The following TBC1D8 variants were observed in gnomAD, a reference collection of about 807,000 sequenced individuals.
TBC1D8 encodes TBC1 domain family member 8.
A neutral mutation model predicts 118.8 loss-of-function variants in TBC1D8; 65 were observed. The observed-to-expected ratio is 0.55, with a 90% CI of 0.45 to 0.67. The LOEUF is 0.67. Among genes scored for constraint, TBC1D8 ranks in the 30% least tolerant of loss-of-function variants. The probability of loss-of-function intolerance (pLI) is 0.00; values close to 1 mark genes in which losing one functional copy is unlikely to be tolerated. For synonymous variants in TBC1D8, 566 were observed against 595.8 expected (o/e 0.95, Z 0.73); for missense variants, 1,376 against 1,471.2 (o/e 0.94, Z 1.06).
At position 101,040,369 on chromosome 2, in the gene TBC1D8, C is replaced by T. The variant is rs1181521828; in HGVS notation, c.889G>A (p.Ala297Thr). The change falls in exon 6 of 20, where the codon GCA becomes ACA. Residue 297 changes from alanine to threonine, a missense_variant. By Grantham distance (58) the Ala-to-Thr change is moderately conservative. Coordinates refer to ENST00000409318, the MANE Select transcript of TBC1D8 (RefSeq NM_001330348.2). ...QITKRDLEARAQNEFFRAFFR... is the reference protein window; with the variant it reads ...QITKRDLEARTQNEFFRAFFR... ...AAAGCCCGGAAGAACTCATTCTGTG[C>T]TCTGGCTTCCAGGTCCCTGGGGAAG... is the stretch of plus-strand genomic sequence containing the variant. The T allele has an allele frequency of 1.3e-6, 2 of 1,599,980 alleles. No homozygotes were observed. The highest frequency in any genetic ancestry group is 1.7e-6 in the Non-Finnish European group (2 of 1,172,836).
At chr2:101,116,460 C>T (rs976931830) in intron 1 of TBC1D8, among the ~76,000 whole-genome samples, 20 of 152,092 alleles carry the variant, frequency 1.3e-4, no homozygotes, top group African/African-American at 4.1e-4. Flanking sequence ...GGAGATTAAA[C>T]AAGCAGGTGC....
In TBC1D8 at chr2:101,007,655, G is replaced by A. The variant is rs1194267651; in HGVS notation, c.*166C>T. 1 of 678,424 alleles carries A rather than the reference G, an allele frequency of 1.5e-6. No homozygotes were observed. Among genetic ancestry groups the A allele is most frequent in the African/African-American group, 1.8e-5 (1 of 55,900 alleles). 42.0% of individuals were successfully genotyped at this position (678,424 alleles called of 1,614,324 possible). On this transcript the variant is annotated 3_prime_UTR_variant, in exon 20 of 20. Coordinates refer to ENST00000409318, the MANE Select transcript of TBC1D8 (RefSeq NM_001330348.2). Reference sequence around the variant, plus strand: ...CTGACAATTCTCAATACATAGAAATGCTTGAGGGTTGTGTCGGTTCCCCTG... The same window carrying A: ...CTGACAATTCTCAATACATAGAAATACTTGAGGGTTGTGTCGGTTCCCCTG...
At chr2:101,104,687 C>A (rs994812183) in intron 1 of TBC1D8, among the ~76,000 whole-genome samples, 2 of 152,168 alleles carry the variant, frequency 1.3e-5, no homozygotes, top group Non-Finnish European at 2.9e-5. Context: ...CAAAATGGCT[C>A]ATAAACCTAC....
chr2:101,146,639 A>C (rs1679327979), intron 1 of TBC1D8, among the ~76,000 whole-genome samples: 1 of 152,194 alleles, frequency 6.6e-6, no homozygotes, highest in Non-Finnish European at 1.5e-5. Flanking sequence ...TTGATGTTTC[A>C]ATACTCATAT....
intron 5 of TBC1D8, among the ~76,000 whole-genome samples, chr2:101,049,928 G>A (rs973863153): frequency 7.3e-5 from 11 of 150,892 alleles, no homozygotes; most frequent in Non-Finnish European, 1.2e-4. Context: ...CCGGGTTCAC[G>A]CCATTCTCCT....
At chr2:101,015,275 T>C (rs1679540104) in intron 17 of TBC1D8, among the ~76,000 whole-genome samples, 2 of 152,184 alleles carry the variant, frequency 1.3e-5, no homozygotes, top group South Asian at 4.1e-4. Flanking sequence ...ATAGACCACT[T>C]ACTATGAATG....
chr2:101,089,103 A>T (rs1428520392), intron 2 of TBC1D8, among the ~76,000 whole-genome samples: 1 of 152,110 alleles, frequency 6.6e-6, no homozygotes, highest in Non-Finnish European at 1.5e-5. Flanking sequence ...AATCCCAGCA[A>T]CTCTGGAAGG....
chr2:101,057,660 C>CA (rs1682517018), intron 3 of TBC1D8, among the ~76,000 whole-genome samples: 1 of 152,116 alleles, frequency 6.6e-6, no homozygotes, highest in African/African-American at 2.4e-5. Flanking sequence ...TTCGTCTCTA[C>CA]AAAAAATAAA....
At chr2:101,121,853 G>T (rs959187899) in intron 1 of TBC1D8, among the ~76,000 whole-genome samples, 1 of 152,096 alleles carries the variant, frequency 6.6e-6, no homozygotes, top group Non-Finnish European at 1.5e-5. Flanking sequence ...ATCACCTGAG[G>T]TCAAGAGTTC....
At chr2:101,082,080 C>T (rs550681208) in intron 2 of TBC1D8, among the ~76,000 whole-genome samples, 7 of 152,210 alleles carry the variant, frequency 4.6e-5, no homozygotes, top group African/African-American at 1.4e-4. Context: ...CGGAGGTTGC[C>T]GTGAACCAGT....
At chr2:101,089,822 G>A (rs1391869182) in intron 2 of TBC1D8, among the ~76,000 whole-genome samples, 5 of 151,404 alleles carry the variant, frequency 3.3e-5, no homozygotes, top group Admixed American at 1.3e-4. Context: ...GGCTCGATTC[G>A]TTATCGACAA....
intron 2 of TBC1D8, among the ~76,000 whole-genome samples, chr2:101,067,333 G>A (rs1321936970): frequency 6.6e-6 from 1 of 152,176 alleles, no homozygotes; most frequent in Non-Finnish European, 1.5e-5. Context: ...AAGAGCAGTG[G>A]TGACAATCAC....
At chr2:101,054,530 C>G (rs1573946162) in intron 3 of TBC1D8, among the ~76,000 whole-genome samples, 194 bp from the exon 4 acceptor site, 1 of 151,350 alleles carries the variant, frequency 6.6e-6, no homozygotes, top group Admixed American at 6.6e-5. Context: ...ACGGCTGCAG[C>G]AGAAAAAAAA....
intron 2 of TBC1D8, among the ~76,000 whole-genome samples, chr2:101,061,880 A>G (rs1682773938): frequency 6.6e-6 from 1 of 152,156 alleles, no homozygotes; most frequent in African/African-American, 2.4e-5. Flanking sequence ...TTAAAACAAA[A>G]TCAAACCCAG....
In TBC1D8 at chr2:101,010,783, G is replaced by A. The variant is rs1248805081; in HGVS notation, c.3015+146C>T. 2.1e-5 allele frequency: 13 copies of A among 618,608 alleles called. No individual in the cohort carries two copies. The East Asian group carries it at 3.8e-4, about 18-fold the overall frequency. The allele number at this position is 618,608 out of a possible 1,614,324, so 38.3% of individuals were successfully genotyped here. On this transcript the variant is annotated intron_variant, in intron 19 of 19. Coordinates refer to ENST00000409318, the MANE Select transcript of TBC1D8 (RefSeq NM_001330348.2). Reference sequence around the variant, plus strand: ...TGTAATCCCAGCTACTCAGGAGGCTGAGGCAGGAGAACTGCTTGAACCCTG... The same window carrying A: ...TGTAATCCCAGCTACTCAGGAGGCTAAGGCAGGAGAACTGCTTGAACCCTG...
At chr2:101,099,654 A>G (rs561548332) in intron 1 of TBC1D8, among the ~76,000 whole-genome samples, 4 of 152,262 alleles carry the variant, frequency 2.6e-5, no homozygotes, top group Admixed American at 1.3e-4. Context: ...AGCAAAAAAC[A>G]TATCCACCAT....
intron 10 of TBC1D8, 197 bp downstream of exon 10, chr2:101,033,347 T>G: frequency 2.8e-6 from 2 of 710,934 alleles, no homozygotes; most frequent in Non-Finnish European, 5.0e-6. Context: ...TCTCCTGACC[T>G]CATGATCCGT....
At chr2:101,036,283 G>T in intron 8 of TBC1D8, 115 bp from the exon 9 acceptor site, 1 of 1,206,480 alleles carries the variant, frequency 8.3e-7, no homozygotes, top group Admixed American at 2.1e-5. Flanking sequence ...GGGGCCAACA[G>T]CAACGGGCAA....
Position 101,038,644 on chromosome 2 carries a change from G to A in TBC1D8, c.1092C>T (p.Ile364=), listed in dbSNP as rs1390362166. 3.7e-6 allele frequency: 6 copies of A among 1,613,934 alleles called. No homozygotes were observed. The highest frequency in any genetic ancestry group is 5.1e-6 in the Non-Finnish European group (6 of 1,179,982). The part of the protein sequence containing the change: ...IILPLREVVS[I]EKMEDTSLLP... ...GCAGGCTCGTGTCCTCCATCTTCTCGATGCTCACCACCTGCGCGAGAGGCA... is the reference window on the plus strand; with the variant it reads ...GCAGGCTCGTGTCCTCCATCTTCTCAATGCTCACCACCTGCGCGAGAGGCA... The change falls in exon 7 of 20, where the codon ATC becomes ATT. Residue 364 remains isoleucine, a synonymous_variant. Coordinates refer to ENST00000409318, the MANE Select transcript of TBC1D8 (RefSeq NM_001330348.2).
Sources: gnomAD v4.1 joint callset for allele counts (sites outside exome capture counted in the v4.1 genomes callset) on GRCh38, gnomAD v4.1.1 for gene constraint, MANE v1.5 for transcripts, NCBI Gene and HGNC (gene_info 2026-07-23, HGNC 2026-07-21) for gene names.